Variants in STK3 observed in about 807,000 individuals in gnomAD.
STK3 encodes serine/threonine-protein kinase 3.
In STK3, 41 loss-of-function variants were observed where a neutral mutation model predicts 58.0. The observed-to-expected ratio is 0.71, with a 90% CI of 0.55 to 0.92. STK3 has a LOEUF of 0.92. STK3 is among the 40% of genes least tolerant of loss of function. The pLI is 0.00. For missense variants in STK3, 479 were observed against 602.7 expected (o/e 0.79, Z 2.15); for synonymous variants, 170 against 191.0 (o/e 0.89, Z 0.91).
At chr8:98,404,562 C>T (rs1817975061) in intron 3 of STK3, among the ~76,000 whole-genome samples, 1 of 151,934 alleles carries the variant, frequency 6.6e-6, no homozygotes, top group South Asian at 2.1e-4. Flanking sequence ...TGCCTGTAGT[C>T]CCAGCTACTC....
chr8:98,856,571 C>T (rs933490827), intron 3 of STK3, among the ~76,000 whole-genome samples: 5 of 152,190 alleles, frequency 3.3e-5, no homozygotes, highest in South Asian at 2.1e-4. Flanking sequence ...TTAGCGAAGA[C>T]GTGGAAAAAT....
intron 6 of STK3, among the ~76,000 whole-genome samples, chr8:98,683,685 G>A (rs1354969133): frequency 6.6e-6 from 1 of 152,136 alleles, no homozygotes; most frequent in Admixed American, 6.5e-5. Flanking sequence ...TCAGTGGGAT[G>A]AGGAACTTCT....
At chr8:98,720,750 C>CAAAAAAAAA (rs35529460) in intron 4 of STK3, among the ~76,000 whole-genome samples, 1 of 94,768 alleles carries the variant, frequency 1.1e-5, no homozygotes, top group Non-Finnish European at 2.2e-5. Context: ...GACTCCGTCT[C>CAAAAAAAAA]AAAAAAAAAA....
chr8:98,905,511 T>C (rs1587829242), intron 1 of STK3: 1 of 1,109,972 alleles, frequency 9.0e-7, no homozygotes, highest in Non-Finnish European at 1.4e-6. Context: ...ATGATGCAAG[T>C]TGTGTATGGT....
At chr8:98,769,973 G>A (rs1026429200) in intron 2 of STK3, among the ~76,000 whole-genome samples, 6 of 152,176 alleles carry the variant, frequency 3.9e-5, no homozygotes, top group African/African-American at 1.4e-4. Flanking sequence ...TACATTTCAA[G>A]TTGAATTCAC....
At chr8:98,345,465 C>T in the STK3 span, among the ~76,000 whole-genome samples, 1 of 151,884 alleles carries the variant, frequency 6.6e-6, no homozygotes, top group Non-Finnish European at 1.5e-5. Context: ...GAGGAAGAGA[C>T]CCTTTCAAAA....
rs1402067241 is a variant in STK3 at position 98,861,797 on chromosome 8, CAGAGT to C, written c.110+21845_110+21849del. On this transcript the variant is annotated intron_variant, in intron 3 of 12. Transcript: ENST00000523601. ...GGCACTTGCAGCTTTTGAATCAGAA[CAGAGT>C]AAAGAGATTGCTTTAAGGAGGCAGC... Among the ~76,000 whole-genome samples the C allele has an allele frequency of 3.3e-5, 5 of 152,116 alleles. No homozygotes were observed. In the East Asian group the frequency reaches 9.6e-4, roughly 29 times the overall value.
At chr8:98,860,887 C>T (rs184012500) in intron 3 of STK3, among the ~76,000 whole-genome samples, 22 of 152,016 alleles carry the variant, frequency 1.4e-4, no homozygotes, top group African/African-American at 5.1e-4. Context: ...AAACCCCATC[C>T]CTACAATAAA....
chr8:98,389,395 C>G (rs1284297474), upstream of STK3, among the ~76,000 whole-genome samples: 1 of 152,210 alleles, frequency 6.6e-6, no homozygotes, highest in Non-Finnish European at 1.5e-5. Flanking sequence ...CTCCCCTCCA[C>G]CAGAAGTCTA....
At chr8:98,642,992 G>A (rs1255903739) in intron 6 of STK3, among the ~76,000 whole-genome samples, 1 of 152,162 alleles carries the variant, frequency 6.6e-6, no homozygotes, top group African/African-American at 2.4e-5. Flanking sequence ...GGAGGGCAAG[G>A]CAGAAAGATC....
intron 2 of STK3, among the ~76,000 whole-genome samples, chr8:98,378,157 T>C (rs1013341440): frequency 2.0e-5 from 3 of 152,172 alleles, no homozygotes; most frequent in African/African-American, 7.2e-5. Flanking sequence ...TGGATTTAGA[T>C]GGCAAGAGGT....
intron 8 of STK3, among the ~76,000 whole-genome samples, chr8:98,554,202 T>A (rs553887786): frequency 6.6e-6 from 1 of 152,128 alleles, no homozygotes; most frequent in African/African-American, 2.4e-5. Context: ...TGCAAGAACA[T>A]GTTTCATTTT....
chr8:98,579,761 A>G lies in STK3; in HGVS notation c.851T>C (p.Val284Ala). Residue 284 changes from valine to alanine, a missense_variant, in exon 8 of 11, where the codon GTA becomes GCA. Coordinates refer to ENST00000419617, the MANE Select transcript of STK3 (RefSeq NM_006281.4). ...TGTGATCAGGTCTCTTAATATTGAT[A>G]CAGGTTTGGCATTCTTGATAAAAGG... ...QHPFIKNAKP[V>A]SILRDLITEA... 6.3e-7 allele frequency: 1 copy of G among 1,594,728 alleles called. No individual in the cohort carries two copies. Among genetic ancestry groups the G allele is most frequent in the Non-Finnish European group, 8.5e-7 (1 of 1,174,452 alleles).
intron 4 of STK3, among the ~76,000 whole-genome samples, chr8:98,728,584 G>C (rs115694585): frequency 6.6e-6 from 1 of 152,066 alleles, no homozygotes; most frequent in Non-Finnish European, 1.5e-5. Context: ...TGGTCAGTGG[G>C]TACACATTTT....
chr8:98,794,458 G>A (rs1378212663), intron 1 of STK3, among the ~76,000 whole-genome samples: 1 of 152,122 alleles, frequency 6.6e-6, no homozygotes, highest in East Asian at 1.9e-4. Flanking sequence ...AATCTCCCAA[G>A]ATTGAATCAG....
intron 6 of STK3, among the ~76,000 whole-genome samples, chr8:98,636,206 G>A (rs1460553345): frequency 2.6e-5 from 4 of 151,884 alleles, no homozygotes; most frequent in Admixed American, 6.6e-5. Context: ...GTACATATGG[G>A]AAAAAAGTGA....
chr8:98,365,075 T>C, the STK3 span, among the ~76,000 whole-genome samples: 1 of 152,234 alleles, frequency 6.6e-6, no homozygotes, highest in African/African-American at 2.4e-5. Flanking sequence ...CCCACAACTC[T>C]GCCTACACCA....
At chr8:98,893,077 G>A (rs1277001564) in intron 1 of STK3, among the ~76,000 whole-genome samples, 1 of 152,024 alleles carries the variant, frequency 6.6e-6, no homozygotes, top group African/African-American at 2.4e-5. Context: ...GCTTAGATAG[G>A]GGTCCTTTCT....
At chr8:98,500,402 G>T (rs1284353156) in intron 10 of STK3, among the ~76,000 whole-genome samples, 1 of 152,162 alleles carries the variant, frequency 6.6e-6, no homozygotes, top group Non-Finnish European at 1.5e-5. Flanking sequence ...TAGGGTACAT[G>T]TGCACAACGT....
Sources: allele counts gnomAD v4.1 joint callset (sites outside exome capture counted in the v4.1 genomes callset), GRCh38; gene constraint gnomAD v4.1.1; transcripts MANE v1.5; gene names NCBI Gene and HGNC (gene_info 2026-07-23, HGNC 2026-07-21).